ARHGEF38: variants seen among roughly 807,000 people sequenced by gnomAD.
The protein encoded by ARHGEF38 is Rho guanine nucleotide exchange factor 38.
In ARHGEF38, 79 loss-of-function variants were observed where a neutral mutation model predicts 79.9. The observed-to-expected ratio is 0.99, with a 90% CI of 0.82 to 1.19. ARHGEF38 has a LOEUF of 1.19. Ranked by LOEUF, ARHGEF38 falls within the 50% of genes most tolerant of loss-of-function variation. The probability of loss-of-function intolerance (pLI) is 0.00; values close to 1 mark genes in which losing one functional copy is unlikely to be tolerated. For missense variants in ARHGEF38, 962 were observed against 907.2 expected, an observed-to-expected ratio of 1.06 and a Z score of -0.78; for synonymous variants, 366 against 328.3, an observed-to-expected ratio of 1.11 and a Z score of -1.24.
chr4:105,622,772 C>T (rs1480605748), intron 3 of ARHGEF38, among the ~76,000 whole-genome samples: 2 of 152,152 alleles, frequency 1.3e-5, no homozygotes, highest in Non-Finnish European at 1.5e-5. Context: ...GAAGCAAAAT[C>T]ACCTCTTCAG....
chr4:105,633,574 G>A (rs1729279599), intron 4 of ARHGEF38, among the ~76,000 whole-genome samples: 1 of 152,130 alleles, frequency 6.6e-6, no homozygotes, highest in South Asian at 2.1e-4. Context: ...TGTGCAAGGG[G>A]ATATTGGAAA....
intron 5 of ARHGEF38, among the ~76,000 whole-genome samples, chr4:105,640,011 G>A (rs1352182862): frequency 6.6e-6 from 1 of 151,868 alleles, no homozygotes; most frequent in African/African-American, 2.4e-5. Flanking sequence ...CACATCTTTA[G>A]CTGTCTATTT....
intron 2 of ARHGEF38, among the ~76,000 whole-genome samples, chr4:105,593,018 T>C (rs1002740680): frequency 6.6e-6 from 1 of 152,180 alleles, no homozygotes; most frequent in African/African-American, 2.4e-5. Flanking sequence ...GAATCATTCA[T>C]AGCACTATTA....
chr4:105,620,572 C>T (rs1728697773), intron 3 of ARHGEF38, among the ~76,000 whole-genome samples: 1 of 152,098 alleles, frequency 6.6e-6, no homozygotes, highest in African/African-American at 2.4e-5. Flanking sequence ...TAAAATGTGA[C>T]TTTTTCTTAG....
At chr4:105,627,762 G>T (rs1331497724) in intron 3 of ARHGEF38, among the ~76,000 whole-genome samples, 1 of 152,114 alleles carries the variant, frequency 6.6e-6, no homozygotes, top group Admixed American at 6.5e-5. Flanking sequence ...ATTAGACAGA[G>T]CGGTTGTCCT....
intron 10 of ARHGEF38, among the ~76,000 whole-genome samples, chr4:105,663,101 A>G (rs1441606139): frequency 2.0e-5 from 3 of 152,124 alleles, no homozygotes; most frequent in Non-Finnish European, 4.4e-5. Context: ...ATCCTGTACA[A>G]CCCTCACACA....
At position 105,679,121 on chromosome 4, in the gene ARHGEF38, C is replaced by T. The variant is rs930978648; in HGVS notation, c.*1184C>T. On this transcript the variant is annotated 3_prime_UTR_variant, in exon 14 of 14. Coordinates refer to ENST00000420470, the MANE Select transcript of ARHGEF38 (RefSeq NM_001242729.2). Reference sequence around the variant, plus strand: ...TTCCACTTCGTCTTCTACCATCTTGCCGACTTTCCTGAGCAACTGCTTTGT... The same window carrying T: ...TTCCACTTCGTCTTCTACCATCTTGTCGACTTTCCTGAGCAACTGCTTTGT... 1.6e-6 allele frequency: 1 copy of T among 608,458 alleles called. No homozygotes were observed. The highest frequency in any genetic ancestry group is 3.2e-5 in the South Asian group (1 of 31,288). The allele number at this position is 608,458 out of a possible 1,614,324, so 37.7% of individuals were successfully genotyped here. A position where few individuals can be genotyped will look rare whatever the true frequency, so the allele number is the denominator to read the frequency against.
At chr4:105,577,606 G>T (rs1014267000) in intron 1 of ARHGEF38, among the ~76,000 whole-genome samples, 1 of 151,724 alleles carries the variant, frequency 6.6e-6, no homozygotes, top group African/African-American at 2.4e-5. Context: ...CTCCCATCTC[G>T]CTGCTTATCG....
At chr4:105,647,318 C>T (rs1433332955) in intron 6 of ARHGEF38, among the ~76,000 whole-genome samples, 4 of 151,868 alleles carry the variant, frequency 2.6e-5, no homozygotes, top group Non-Finnish European at 5.9e-5. Context: ...TCCTTCTTTC[C>T]ATACTTCTTG....
At chr4:105,630,778 C>T (rs185126959) in intron 3 of ARHGEF38, 120 bp from the exon 4 acceptor site, 10 of 751,422 alleles carry the variant, frequency 1.3e-5, no homozygotes, top group South Asian at 3.4e-5. Flanking sequence ...CCCTGAATAA[C>T]CTGGGGATAA....
chr4:105,616,853 T>G (rs1728531830), intron 3 of ARHGEF38, among the ~76,000 whole-genome samples: 1 of 152,198 alleles, frequency 6.6e-6, no homozygotes, highest in Non-Finnish European at 1.5e-5. Flanking sequence ...TCTAAGCAAG[T>G]GATTAAATGC....
chr4:105,560,616 A>C (rs151162231), intron 1 of ARHGEF38, among the ~76,000 whole-genome samples: 47 of 152,344 alleles, frequency 3.1e-4, no homozygotes, highest in African/African-American at 1.1e-3. Flanking sequence ...GACTTTGTCC[A>C]AGGTTTTCTG....
chr4:105,653,409 G>A (rs566457201), intron 7 of ARHGEF38, among the ~76,000 whole-genome samples: 33 of 149,966 alleles, frequency 2.2e-4, no homozygotes, highest in Admixed American at 6.7e-4. Context: ...TGCACCCTCC[G>A]TCTTCCGGGT....
chr4:105,646,636 G>C (rs780310130), intron 6 of ARHGEF38, among the ~76,000 whole-genome samples: 1 of 152,178 alleles, frequency 6.6e-6, no homozygotes, highest in Non-Finnish European at 1.5e-5. Flanking sequence ...TTGCCCAAGA[G>C]AGACTCTTGC....
intron 5 of ARHGEF38, among the ~76,000 whole-genome samples, chr4:105,641,828 G>T (rs956164002): frequency 6.6e-6 from 1 of 151,858 alleles, no homozygotes; most frequent in African/African-American, 2.4e-5. Flanking sequence ...CAGCAAAACT[G>T]GATGCTGCTA....
chr4:105,629,203 C>T (rs1332471048), intron 3 of ARHGEF38, among the ~76,000 whole-genome samples: 1 of 152,156 alleles, frequency 6.6e-6, no homozygotes, highest in East Asian at 1.9e-4. Context: ...AGTGTTCTTT[C>T]CAAGTGCATC....
intron 1 of ARHGEF38, chr4:105,561,443 TAGAATGG>T (rs1725560704): frequency 1.5e-5 from 1 of 68,078 alleles, no homozygotes; most frequent in Admixed American, 1.7e-4. Context: ...TAGAATAGAA[TAGAATGG>T]AATAGAATAG....
chr4:105,671,573 G>A (rs1036975324), intron 13 of ARHGEF38, among the ~76,000 whole-genome samples: 7 of 152,154 alleles, frequency 4.6e-5, no homozygotes, highest in Admixed American at 6.5e-5. Flanking sequence ...TGTTGGCTTT[G>A]AGAAATTGTG....
At chr4:105,636,159 C>G (rs1300403104) in intron 4 of ARHGEF38, among the ~76,000 whole-genome samples, 2 of 151,948 alleles carry the variant, frequency 1.3e-5, no homozygotes, top group African/African-American at 4.8e-5. Flanking sequence ...CCACAGTGAT[C>G]AGATAATAAA....
Sources: gnomAD v4.1 joint callset for allele counts (sites outside exome capture counted in the v4.1 genomes callset) on GRCh38, gnomAD v4.1.1 for gene constraint, MANE v1.5 for transcripts, NCBI Gene and HGNC (gene_info 2026-07-23, HGNC 2026-07-21) for gene names.